SLC6A17: variants seen among roughly 807,000 people sequenced by gnomAD.
The protein encoded by SLC6A17 is sodium-dependent neutral amino acid transporter SLC6A17.
SLC6A17 carries 21 observed loss-of-function variants against 64.5 expected under a neutral mutation model. That is an observed-to-expected ratio of 0.33 (90% confidence interval 0.23 to 0.47). The LOEUF (loss-of-function observed/expected upper bound fraction) is 0.47, where lower values mean the gene tolerates loss of function less well. Ranked by LOEUF, SLC6A17 falls within the 20% of genes least tolerant of loss-of-function variation. The pLI is 1.00. For synonymous variants in SLC6A17, 372 were observed against 399.5 expected (o/e 0.93, Z 0.82); for missense variants, 682 against 963.2 (o/e 0.71, Z 3.86).
In SLC6A17 at chr1:110,197,527, T is replaced by G. The variant is rs148807275; in HGVS notation, c.1743T>G (p.Ala581=). The G allele has an allele frequency of 6.2e-7, 1 of 1,613,512 alleles. No individual in the cohort carries two copies. The change falls in exon 11 of 12, where the codon GCT becomes GCG. Residue 581 remains alanine, a synonymous_variant. Coordinates refer to ENST00000331565, the MANE Select transcript of SLC6A17 (RefSeq NM_001010898.4). ...MWKFVSPLCM[A]VLTTASIIQL... is the part of the protein sequence containing the mutation. ...AGTTCGTGTCTCCACTATGCATGGC[T>G]GTGCTCACCACAGCCAGCATCATCC...
chr1:110,196,300 A>G (rs1656966526), intron 10 of SLC6A17, among the ~76,000 whole-genome samples: 1 of 152,212 alleles, frequency 6.6e-6, no homozygotes, highest in Non-Finnish European at 1.5e-5. Flanking sequence ...CAGGAGTTCT[A>G]GAACTAGGTC....
In SLC6A17 at chr1:110,173,442, A is replaced by G. The variant is rs181729635; in HGVS notation, c.445-531A>G. ...TCCTATTTTAAATAAAATTCTACCA[A>G]TGTTAGTTATTGTGTTTCCAAGAAA... On this transcript the variant is annotated intron_variant, in intron 3 of 11. Coordinates refer to ENST00000331565, the MANE Select transcript of SLC6A17 (RefSeq NM_001010898.4). Among the ~76,000 whole-genome samples, 68 of 152,310 alleles carry G rather than the reference A, an allele frequency of 4.5e-4. 1 individual carries two copies. The East Asian group carries it at 0.013, about 29-fold the overall frequency.
chr1:110,197,077 CT>C (rs1201881787), intron 10 of SLC6A17, among the ~76,000 whole-genome samples: 1 of 152,220 alleles, frequency 6.6e-6, no homozygotes, highest in East Asian at 1.9e-4. Context: ...TGCACTTCTA[CT>C]GCTTTTCCAG....
chr1:110,167,754 A>G (rs1192623393), intron 2 of SLC6A17, among the ~76,000 whole-genome samples: 1 of 152,228 alleles, frequency 6.6e-6, no homozygotes, highest in Non-Finnish European at 1.5e-5. Flanking sequence ...TGATTCAACC[A>G]TCGAATCCTC....
At chr1:110,180,849 G>T (rs1656503931) in intron 6 of SLC6A17, among the ~76,000 whole-genome samples, 1 of 152,130 alleles carries the variant, frequency 6.6e-6, no homozygotes, top group African/African-American at 2.4e-5. Context: ...TTTTTGGCCA[G>T]GGCATCTCAG....
intron 8 of SLC6A17, among the ~76,000 whole-genome samples, chr1:110,193,712 G>C (rs1465381645): frequency 6.6e-6 from 1 of 152,216 alleles, no homozygotes. Flanking sequence ...CCACTGCCCT[G>C]GTTTCTTCCC....
At chr1:110,170,893 C>A (rs1656206644) in intron 2 of SLC6A17, among the ~76,000 whole-genome samples, 1 of 151,978 alleles carries the variant, frequency 6.6e-6, no homozygotes, top group African/African-American at 2.4e-5. Flanking sequence ...ATATTGCTCA[C>A]GTGACTCTGC....
At chr1:110,167,315 T>C (rs1378407487) in intron 2 of SLC6A17, 100 bp downstream of exon 2, 1 of 1,431,696 alleles carries the variant, frequency 7.0e-7, no homozygotes, top group Non-Finnish European at 9.3e-7. Flanking sequence ...CTGGAGCCCT[T>C]GTAGGTTGGA....
chr1:110,178,073 T>TA (rs2101850265), intron 6 of SLC6A17: 1 of 152,192 alleles, frequency 6.6e-6, no homozygotes, highest in East Asian at 1.9e-4. Context: ...AAAGAAAAAA[T>TA]AAAAAACCTG....
chr1:110,170,399 G>A lies in SLC6A17; in HGVS notation c.287-1661G>A, dbSNP rs113212174. ...CTCGAGAGGCTGAGGCAGGAGAATG[G>A]TGTGAACCCGGGAGGCAGAGCTTGC... is the stretch of plus-strand genomic sequence containing the variant. On this transcript the variant is annotated intron_variant, in intron 2 of 11. Coordinates refer to ENST00000331565, the MANE Select transcript of SLC6A17 (RefSeq NM_001010898.4). Among the ~76,000 whole-genome samples, 473 of 152,326 alleles carry A rather than the reference G, an allele frequency of 3.1e-3. 1 individual carries two copies. Among genetic ancestry groups the A allele is most frequent in the African/African-American group, 0.01 (435 of 41,572 alleles).
At position 110,198,072 on chromosome 1, in the gene SLC6A17, G is replaced by A. The variant is rs758183015; in HGVS notation, c.1816-4G>A. On this transcript the variant is annotated splice_region_variant and splice_polypyrimidine_tract_variant and intron_variant, in intron 11 of 11. Coordinates refer to ENST00000331565, the MANE Select transcript of SLC6A17 (RefSeq NM_001010898.4). ...CAGCAGCCCTTAAGGCAGCCCACCCGCAGGCTGCCGAGCGCTACCTGTATT... is the reference window on the plus strand; with the variant it reads ...CAGCAGCCCTTAAGGCAGCCCACCCACAGGCTGCCGAGCGCTACCTGTATT... 7.5e-6 allele frequency: 12 copies of A among 1,607,200 alleles called. No homozygotes were observed. In the African/African-American group the frequency reaches 8.0e-5, roughly 11 times the overall value.
At chr1:110,190,972 T>G (rs577211805) in intron 6 of SLC6A17, among the ~76,000 whole-genome samples, 7 of 152,304 alleles carry the variant, frequency 4.6e-5, no homozygotes, top group African/African-American at 1.7e-4. Context: ...TAGTAATCCT[T>G]GCTTCCTGCA....
intron 1 of SLC6A17, among the ~76,000 whole-genome samples, chr1:110,155,234 G>A (rs1655725201): frequency 6.6e-6 from 1 of 152,186 alleles, no homozygotes; most frequent in Non-Finnish European, 1.5e-5. Context: ...CCATTTTGTG[G>A]AGATAAGTCC....
intron 6 of SLC6A17, among the ~76,000 whole-genome samples, chr1:110,189,242 C>A (rs1656764215): frequency 6.6e-6 from 1 of 152,218 alleles, no homozygotes; most frequent in South Asian, 2.1e-4. Context: ...AAGACACATT[C>A]AGCTCAACCT....
chr1:110,161,985 C>T (rs916626822), intron 1 of SLC6A17, among the ~76,000 whole-genome samples: 6 of 152,212 alleles, frequency 3.9e-5, no homozygotes, highest in East Asian at 1.9e-4. Flanking sequence ...TCACTTGCTC[C>T]GACCTCCTTC....
At chr1:110,181,649 A>T (rs572738961) in intron 6 of SLC6A17, among the ~76,000 whole-genome samples, 1 of 152,360 alleles carries the variant, frequency 6.6e-6, no homozygotes, top group South Asian at 2.1e-4. Context: ...GCATTCGGTG[A>T]GAAGAGTTGC....
In SLC6A17 at chr1:110,176,514, C is replaced by T. The variant is rs574464786; in HGVS notation, c.754-115C>T. 1.4e-4 allele frequency: 136 copies of T among 963,470 alleles called. 1 individual carries two copies. In the South Asian group the frequency reaches 1.6e-3, roughly 11 times the overall value. The allele number at this position is 963,470 out of a possible 1,614,324, so 59.7% of individuals were successfully genotyped here. A position where few individuals can be genotyped will look rare whatever the true frequency, so the allele number is the denominator to read the frequency against. ...GGCCCTCTGCCCAGGGGTTCCAGGG[C>T]TCTGTTTTCTGCTGCCATCAGGGGC... On this transcript the variant is annotated intron_variant, in intron 5 of 11. Coordinates refer to ENST00000331565, the MANE Select transcript of SLC6A17 (RefSeq NM_001010898.4).
intron 1 of SLC6A17, among the ~76,000 whole-genome samples, chr1:110,163,867 T>G (rs1251831311): frequency 6.6e-6 from 1 of 152,172 alleles, no homozygotes; most frequent in Non-Finnish European, 1.5e-5. Context: ...TTCACGCCTC[T>G]GCTCAAATGT....
In SLC6A17 at chr1:110,200,047, AGG is replaced by A. The variant is rs1474705711; in HGVS notation, c.*1605_*1606del. The stretch of plus-strand genomic sequence containing the variant: ...TCCATCTTTGAGAGCTCTGGTGGGC[AGG>A]GCAGAAACAGGCCACAGTGCTCAAC... On this transcript the variant is annotated 3_prime_UTR_variant, in exon 12 of 12. Transcript: ENST00000331565. 2.5e-6 allele frequency: 1 copy of A among 398,428 alleles called. No homozygotes were observed. The highest frequency in any genetic ancestry group is 2.1e-5 in the African/African-American group (1 of 48,576). The allele number at this position is 398,428 out of a possible 1,614,324, so 24.7% of individuals were successfully genotyped here.
Sources: gnomAD v4.1 joint callset for allele counts (sites outside exome capture counted in the v4.1 genomes callset) on GRCh38, gnomAD v4.1.1 for gene constraint, MANE v1.5 for transcripts, NCBI Gene and HGNC (gene_info 2026-07-23, HGNC 2026-07-21) for gene names.